NFATC3: variants seen among roughly 807,000 people sequenced by gnomAD.
NFATC3 encodes the protein nuclear factor of activated T cells 3, also known as nuclear factor of activated T-cells, cytoplasmic 3.
A neutral mutation model predicts 98.6 loss-of-function variants in NFATC3; 46 were observed. That is an observed-to-expected ratio of 0.47 (90% CI 0.37 to 0.60). The LOEUF (loss-of-function observed/expected upper bound fraction) is 0.60. Ranked by LOEUF, NFATC3 falls within the 20% of genes least tolerant of loss-of-function variation. The pLI, the probability that NFATC3 is intolerant of heterozygous loss-of-function variation, is 0.00. For synonymous variants in NFATC3, 512 were observed against 472.2 expected, an observed-to-expected ratio of 1.08 and a Z score of -1.09; for missense variants, 1,256 against 1,295.5, an observed-to-expected ratio of 0.97 and a Z score of 0.47.
intron 1 of NFATC3, among the ~76,000 whole-genome samples, chr16:68,088,482 G>GTATATAATATATAAATATATATTTTA (rs1555512195): frequency 0.12 from 16,676 of 143,914 alleles, 1,108 homozygotes; most frequent in South Asian, 0.19. Context: ...TATATGTAGT[G>GTATATAATATATAAATATATATTTTA]TATATAATAT....
chr16:68,173,705 T>G lies in NFATC3; in HGVS notation c.1775-669T>G, dbSNP rs536013366. Among the ~76,000 whole-genome samples the G allele has an allele frequency of 1.6e-4, 25 of 152,352 alleles. No individual in the cohort carries two copies. In the East Asian group the frequency reaches 4.6e-3, roughly 28 times the overall value. On this transcript the variant is annotated intron_variant, in intron 5 of 9. Transcript: ENST00000346183. ...CTTTGGACTTACATGCTTTTTGTAATTAGATTTATAGATTTTAACGGATAG... is the reference window on the plus strand; with the variant it reads ...CTTTGGACTTACATGCTTTTTGTAAGTAGATTTATAGATTTTAACGGATAG...
rs190964527 is a variant in NFATC3 at position 68,188,108 on chromosome 16, A to G, written c.2099-2660A>G. On this transcript the variant is annotated intron_variant, in intron 8 of 9. Transcript: ENST00000346183. ...TCAGCACTGCCCCAAGCATATACAC[A>G]CCCGGCTGGGTTGCAACATCACCCA... 5.1e-3 allele frequency among the ~76,000 whole-genome samples: 769 copies of G among 152,026 alleles called. 8 individuals carry two copies. Among genetic ancestry groups the G allele is most frequent in the African/African-American group, 0.017 (702 of 41,458 alleles).
rs2040401321 is a variant in NFATC3 at position 68,190,824 on chromosome 16, C to T, written c.2155C>T (p.Pro719Ser). The T allele has an allele frequency of 2.5e-6, 4 of 1,613,848 alleles. No homozygotes were observed. The highest frequency in any genetic ancestry group is 2.7e-5 in the African/African-American group (2 of 74,930). The change falls in exon 9 of 10, where the codon CCT becomes TCT. Residue 719 changes from proline to serine, a missense_variant. Physicochemically the swap from Pro to Ser is moderately conservative, Grantham distance 74. This residue lies in a region of NFATC3 where 636 missense variants were observed against 617.3 expected (regional missense o/e 1.03). Coordinates refer to ENST00000346183, the MANE Select transcript of NFATC3 (RefSeq NM_173165.3). ...TGATTTGTCTTCAGTTCCATCTTTG[C>T]CTGTGCCTCATCCTGCTCAGACCCA... ...EIDLSSVPSL[P>S]VPHPAQTQRP...
rs2038326527 is a variant in NFATC3, at chr16:68,151,666, G to A, written c.1402-6203G>A. 2.0e-5 allele frequency among the ~76,000 whole-genome samples: 3 copies of A among 152,088 alleles called. No individual in the cohort carries two copies. The South Asian group carries it at 6.2e-4, about 32-fold the overall frequency. On this transcript the variant is annotated intron_variant, in intron 3 of 9. Coordinates refer to ENST00000346183, the MANE Select transcript of NFATC3 (RefSeq NM_173165.3). ...CCCTTTCTCCTTAAGTATCTGTAGT[G>A]CACCCCACTTATCATGTTGACAACT...
At chr16:68,100,151 C>G (rs1361794071) in intron 1 of NFATC3, among the ~76,000 whole-genome samples, 1 of 152,148 alleles carries the variant, frequency 6.6e-6, no homozygotes, top group African/African-American at 2.4e-5. Flanking sequence ...CAGTTATTGG[C>G]TATTATGAAA....
intron 9 of NFATC3, chr16:68,221,053 A>T: frequency 1.1e-6 from 1 of 883,566 alleles, no homozygotes; most frequent in Non-Finnish European, 1.7e-6. Context: ...GGCCTGGATT[A>T]CAGTTTAAAT....
Position 68,174,438 on chromosome 16 carries a change from T to C in NFATC3, c.1839T>C (p.Asn613=). The C allele has an allele frequency of 1.9e-6, 3 of 1,607,080 alleles. No homozygotes were observed. Among genetic ancestry groups the C allele is most frequent in the Non-Finnish European group, 2.5e-6 (3 of 1,176,646 alleles). ...ACAGTATCAACAGTTGTTCTGTAAA[T>C]GGAGGTCATGAAATGGTTGTGACTG... The part of the protein sequence containing the change: ...EKYSINSCSV[N]GGHEMVVTGS... The change falls in exon 6 of 10, where the codon AAT becomes AAC. Residue 613 remains asparagine (N), a synonymous_variant. Coordinates refer to ENST00000346183, the MANE Select transcript of NFATC3 (RefSeq NM_173165.3).
At position 68,122,927 on chromosome 16, in the gene NFATC3, T is replaced by G. The variant is rs752498023; in HGVS notation, c.1044T>G (p.Ala348=). 1 of 1,614,208 alleles carries G rather than the reference T, an allele frequency of 6.2e-7. No individual in the cohort carries two copies. Among genetic ancestry groups the G allele is most frequent in the African/African-American group, 1.3e-5 (1 of 75,064 alleles). The change falls in exon 2 of 10, where the codon GCT becomes GCG. Residue 348 remains alanine, a synonymous_variant. Coordinates refer to ENST00000346183, the MANE Select transcript of NFATC3 (RefSeq NM_173165.3). The stretch of plus-strand genomic sequence containing the variant: ...CAAGGAAAACTTCTGAAGATCAAGC[T>G]GCCATACTACCAGGAAAATTAGAGC... ...LKTRKTSEDQ[A]AILPGKLELC... is the part of the protein sequence containing the mutation.
chr16:68,106,416 C>G (rs117815871), intron 1 of NFATC3, among the ~76,000 whole-genome samples: 3 of 151,968 alleles, frequency 2.0e-5, no homozygotes, highest in African/African-American at 7.2e-5. Flanking sequence ...CTCAGCCTCC[C>G]GACTAGCTGA....
intron 1 of NFATC3, among the ~76,000 whole-genome samples, chr16:68,087,257 A>G (rs1012467396): frequency 1.3e-5 from 2 of 152,248 alleles, no homozygotes; most frequent in African/African-American, 2.4e-5. Context: ...ATATACAAAT[A>G]TATGATCGAT....
intron 9 of NFATC3, among the ~76,000 whole-genome samples, chr16:68,194,186 G>A (rs1160950146): frequency 6.6e-6 from 1 of 152,168 alleles, no homozygotes; most frequent in Non-Finnish European, 1.5e-5. Context: ...GTTCAATCCA[G>A]TCTTTTTCTT....
intron 1 of NFATC3, among the ~76,000 whole-genome samples, chr16:68,098,224 G>A (rs1238971583): frequency 1.3e-5 from 2 of 150,126 alleles, no homozygotes; most frequent in African/African-American, 4.9e-5. Context: ...AAATACCTAA[G>A]AATGTAATGG....
At chr16:68,162,001 C>G (rs1045027383) in intron 4 of NFATC3, among the ~76,000 whole-genome samples, 4 of 152,126 alleles carry the variant, frequency 2.6e-5, no homozygotes, top group African/African-American at 9.7e-5. Context: ...CTTCCTCAAC[C>G]AGATCTAGCA....
chr16:68,122,487 C>G lies in NFATC3; in HGVS notation c.604C>G (p.Arg202Gly), dbSNP rs1181809367. 29 of 1,614,076 alleles carry G rather than the reference C, an allele frequency of 1.8e-5. No homozygotes were observed. Among genetic ancestry groups the G allele is most frequent in the Non-Finnish European group, 2.4e-5 (28 of 1,180,004 alleles). The change falls in exon 2 of 10, where the codon CGA (arginine) becomes GGA (glycine). Residue 202 changes from arginine (R) to glycine (G), a missense_variant. By Grantham distance (125) the Arg-to-Gly change is moderately radical (BLOSUM62 -2). Transcript: ENST00000346183. Reference sequence around the variant, plus strand: ...CTCAGAGTTGAATGAAGCTGCAGCCCGATTTACCCTTGGATCCCCTCTGAC... The same window carrying G: ...CTCAGAGTTGAATGAAGCTGCAGCCGGATTTACCCTTGGATCCCCTCTGAC... The part of the protein sequence containing the change: ...VDSELNEAAA[R>G]FTLGSPLTSP...
chr16:68,112,215 G>A (rs973643594), intron 1 of NFATC3, among the ~76,000 whole-genome samples: 3 of 149,950 alleles, frequency 2.0e-5, no homozygotes, highest in Non-Finnish European at 3.0e-5. Context: ...TATGTTTTCC[G>A]ACTTGGATGC....
At chr16:68,185,651 G>A (rs1313823507) in intron 8 of NFATC3, among the ~76,000 whole-genome samples, 2 of 152,010 alleles carry the variant, frequency 1.3e-5, no homozygotes, top group African/African-American at 2.4e-5. Context: ...CGAGGTGGGC[G>A]GATCATGAGG....
At chr16:68,204,587 T>C (rs891846125) in intron 9 of NFATC3, among the ~76,000 whole-genome samples, 1 of 152,216 alleles carries the variant, frequency 6.6e-6, no homozygotes, top group Non-Finnish European at 1.5e-5. Context: ...TGAATCCAGA[T>C]TTGTCTGAAA....
rs112769129 is a variant in NFATC3 at position 68,115,672 on chromosome 16, C to G, written c.104-6315C>G. On this transcript the variant is annotated intron_variant, in intron 1 of 9. Transcript: ENST00000346183. ...ACTCCTGATCTCAAGTGATCTGCCC[C>G]CTTTGGCCTCCCAAAGTGCTGGAAT... is the stretch of plus-strand genomic sequence containing the variant. Among the ~76,000 whole-genome samples the G allele has an allele frequency of 5.2e-3, 790 of 152,084 alleles. 8 individuals carry two copies. Among genetic ancestry groups the G allele is most frequent in the African/African-American group, 0.018 (743 of 41,492 alleles).
chr16:68,163,799 C>G (rs1467818447), intron 4 of NFATC3, among the ~76,000 whole-genome samples: 28 of 138,588 alleles, frequency 2.0e-4, no homozygotes, highest in Admixed American at 2.0e-3. Flanking sequence ...ACATCTCAGA[C>G]GATGGGCGGC....
Sources: allele counts gnomAD v4.1 joint callset (sites outside exome capture counted in the v4.1 genomes callset), GRCh38; gene constraint gnomAD v4.1.1; regional missense constraint gnomAD v4.1.1; transcripts MANE v1.5; gene names NCBI Gene and HGNC (gene_info 2026-07-23, HGNC 2026-07-21).